Variants in LYPLAL1 observed in about 807,000 individuals in gnomAD.
The protein encoded by LYPLAL1 is lysophospholipase like 1.
LYPLAL1 carries 23 observed loss-of-function variants against 19.7 expected under a neutral mutation model. The observed-to-expected ratio is 1.17, with a 90% CI of 0.84 to 1.65. LYPLAL1 has a LOEUF of 1.65. Ranked by LOEUF, LYPLAL1 falls within the 40% of genes most tolerant of loss-of-function variation. The pLI, the probability that LYPLAL1 is intolerant of heterozygous loss-of-function variation, is 0.00. For synonymous variants in LYPLAL1, 119 were observed against 96.3 expected (o/e 1.24, Z -1.38); for missense variants, 355 against 279.4 (o/e 1.27, Z -1.93).
At chr1:219,437,410 T>C in the LYPLAL1 span, among the ~76,000 whole-genome samples, 6,641 of 152,144 alleles carry the variant, frequency 0.044, 232 homozygotes, top group African/African-American at 0.098. Context: ...TTCCACGTCT[T>C]CTTCATCTCA....
chr1:219,190,338 C>T (rs2125057542), intron 2 of LYPLAL1, among the ~76,000 whole-genome samples: 2 of 151,510 alleles, frequency 1.3e-5, no homozygotes, highest in South Asian at 4.1e-4. Flanking sequence ...GGGTGTCTTC[C>T]TCCTTTCCTC....
the LYPLAL1 span, among the ~76,000 whole-genome samples, chr1:219,429,057 G>A: frequency 4.6e-5 from 7 of 152,266 alleles, 1 homozygote; most frequent in South Asian, 6.2e-4. Context: ...TTGTGAGAGC[G>A]TATTTCTTGT....
chr1:219,260,104 A>G, the LYPLAL1 span, among the ~76,000 whole-genome samples: 1 of 152,022 alleles, frequency 6.6e-6, no homozygotes, highest in Non-Finnish European at 1.5e-5. Flanking sequence ...AATTTTTAAA[A>G]GAAGAAAAAT....
the LYPLAL1 span, among the ~76,000 whole-genome samples, chr1:219,284,432 G>A: frequency 1.3e-5 from 2 of 152,094 alleles, no homozygotes; most frequent in Admixed American, 1.3e-4. Flanking sequence ...TACCCCATTT[G>A]TCCTGATGTG....
At chr1:219,392,728 AATAG>A in the LYPLAL1 span, among the ~76,000 whole-genome samples, 1 of 152,200 alleles carries the variant, frequency 6.6e-6, no homozygotes, top group South Asian at 2.1e-4. Flanking sequence ...TTTTAACAGA[AATAG>A]ATATTTTATT....
chr1:219,271,074 A>C, the LYPLAL1 span: 1 of 152,424 alleles, frequency 6.6e-6, no homozygotes, highest in African/African-American at 2.4e-5. Context: ...GCCTCCGAGT[A>C]GCTGGGATTA....
the LYPLAL1 span, among the ~76,000 whole-genome samples, chr1:219,229,856 A>T: frequency 6.6e-6 from 1 of 152,282 alleles, no homozygotes; most frequent in East Asian, 1.9e-4. Flanking sequence ...AACTAATATT[A>T]TCAAGGTCCT....
intron 2 of LYPLAL1, 42 bp from the exon 3 acceptor site, chr1:219,193,039 CT>C (rs1657304098): frequency 2.0e-6 from 3 of 1,469,028 alleles, no homozygotes; most frequent in Non-Finnish European, 1.8e-6. Flanking sequence ...TTCATATTCC[CT>C]TTTCCTTTCT....
At chr1:219,177,032 G>C (rs1655875324) in intron 1 of LYPLAL1, among the ~76,000 whole-genome samples, 1 of 152,230 alleles carries the variant, frequency 6.6e-6, no homozygotes, top group Admixed American at 6.5e-5. Context: ...CCATGGATGA[G>C]AAGTTGGAAC....
At chr1:219,268,797 C>A in the LYPLAL1 span, among the ~76,000 whole-genome samples, 3 of 152,170 alleles carry the variant, frequency 2.0e-5, no homozygotes, top group Non-Finnish European at 4.4e-5. Flanking sequence ...CCATTTAATT[C>A]ACTCATTAAC....
At chr1:219,229,026 C>T in the LYPLAL1 span, among the ~76,000 whole-genome samples, 1 of 151,910 alleles carries the variant, frequency 6.6e-6, no homozygotes. Context: ...CACCACAACC[C>T]TTTGAAATAG....
the LYPLAL1 span, among the ~76,000 whole-genome samples, chr1:219,279,721 T>C: frequency 2.0e-5 from 3 of 152,210 alleles, no homozygotes; most frequent in Non-Finnish European, 4.4e-5. Flanking sequence ...GTTTGTTTAA[T>C]TGTAGCATGG....
At chr1:219,224,632 A>G in the LYPLAL1 span, among the ~76,000 whole-genome samples, 1 of 152,184 alleles carries the variant, frequency 6.6e-6, no homozygotes, top group African/African-American at 2.4e-5. Flanking sequence ...GTGTTCAGAA[A>G]AAAATATGGC....
the LYPLAL1 span, among the ~76,000 whole-genome samples, chr1:219,300,199 G>T: frequency 1.3e-5 from 2 of 152,030 alleles, no homozygotes; most frequent in Non-Finnish European, 2.9e-5. Context: ...CCCCAGGCTG[G>T]TCTCAAACTC....
At chr1:219,307,109 T>A in the LYPLAL1 span, among the ~76,000 whole-genome samples, 1 of 151,726 alleles carries the variant, frequency 6.6e-6, no homozygotes, top group Non-Finnish European at 1.5e-5. Context: ...ACTTTGAAAG[T>A]AACTTTAAAA....
At chr1:219,404,657 G>C in the LYPLAL1 span, among the ~76,000 whole-genome samples, 1 of 152,188 alleles carries the variant, frequency 6.6e-6, no homozygotes, top group Admixed American at 6.5e-5. Context: ...TGGTTCATGG[G>C]TTCAAAAATA....
chr1:219,408,043 T>C, the LYPLAL1 span, among the ~76,000 whole-genome samples: 135,696 of 152,164 alleles, frequency 0.89, 60,522 homozygotes, highest in East Asian at 0.97. Context: ...TTTCAACATA[T>C]GGATTGGAGG....
the LYPLAL1 span, among the ~76,000 whole-genome samples, chr1:219,218,280 T>C: frequency 7.2e-5 from 11 of 152,026 alleles, no homozygotes; most frequent in African/African-American, 2.7e-4. Context: ...CAAGAACATA[T>C]TTAAACAATG....
chr1:219,209,525 C>T (rs1658832011), intron 3 of LYPLAL1, among the ~76,000 whole-genome samples: 1 of 152,126 alleles, frequency 6.6e-6, no homozygotes, highest in South Asian at 2.1e-4. Flanking sequence ...TTTATGGTCT[C>T]TTAAGAGCTC....
Sources: allele counts gnomAD v4.1 joint callset (sites outside exome capture counted in the v4.1 genomes callset), GRCh38; gene constraint gnomAD v4.1.1; transcripts MANE v1.5; gene names NCBI Gene and HGNC (gene_info 2026-07-23, HGNC 2026-07-21).